SYNPO2: variants seen among roughly 807,000 people sequenced by gnomAD.
The protein encoded by SYNPO2 is synaptopodin 2.
In SYNPO2, 56 loss-of-function variants were observed where a neutral mutation model predicts 85.0. The ratio of observed to expected loss-of-function variants is 0.66; its 90% CI spans 0.53 to 0.82. The LOEUF is 0.82. Among genes scored for constraint, SYNPO2 ranks in the 40% least tolerant of loss-of-function variants. The pLI is 0.00. For missense variants in SYNPO2, 1,575 were observed against 1,534.2 expected (o/e 1.03, Z -0.44); for synonymous variants, 602 against 591.1 (o/e 1.02, Z -0.27).
At chr4:119,051,380 G>A (rs1033818204) in intron 4 of SYNPO2, among the ~76,000 whole-genome samples, 2 of 150,614 alleles carry the variant, frequency 1.3e-5, no homozygotes, top group African/African-American at 2.4e-5. Flanking sequence ...TAGTAGAGAC[G>A]GGGTTTCACC....
chr4:118,907,415 CA>C (rs1231502939), intron 1 of SYNPO2, among the ~76,000 whole-genome samples: 1 of 152,144 alleles, frequency 6.6e-6, no homozygotes, highest in Non-Finnish European at 1.5e-5. Context: ...AAAACTGCTA[CA>C]ATACTCTGAC....
At chr4:118,895,451 C>T (rs144764637) in intron 1 of SYNPO2, among the ~76,000 whole-genome samples, 10 of 152,290 alleles carry the variant, frequency 6.6e-5, no homozygotes, top group African/African-American at 1.9e-4. Flanking sequence ...CATTAATGTC[C>T]TCTCTGAGGC....
intron 1 of SYNPO2, among the ~76,000 whole-genome samples, chr4:118,879,019 AC>A (rs1175739464): frequency 2.6e-5 from 4 of 152,146 alleles, no homozygotes; most frequent in African/African-American, 9.7e-5. Context: ...CCATGAACCC[AC>A]AGGGAGGAAT....
intron 1 of SYNPO2, among the ~76,000 whole-genome samples, chr4:119,003,451 A>G (rs1480074897): frequency 1.3e-5 from 2 of 152,340 alleles, no homozygotes; most frequent in Non-Finnish European, 2.9e-5. Flanking sequence ...TATCACTGCT[A>G]TTCAAACTTG....
chr4:118,878,120 T>C lies in SYNPO2; in HGVS notation c.12+27180T>C, dbSNP rs114899654. 7.0e-3 allele frequency among the ~76,000 whole-genome samples: 1,066 copies of C among 152,182 alleles called. 13 individuals carry two copies. Among genetic ancestry groups the C allele is most frequent in the African/African-American group, 0.025 (1,019 of 41,520 alleles). ...CCACACAGGAACAGAAAACCAAGTA[T>C]CGCATGTTCTCGTTTATAAGTGGGA... is the stretch of plus-strand genomic sequence containing the variant. On this transcript the variant is annotated intron_variant, in intron 1 of 4. Coordinates refer to the SYNPO2 transcript ENST00000610556.
At chr4:118,999,968 C>A (rs1231432867) in intron 1 of SYNPO2, among the ~76,000 whole-genome samples, 2 of 152,194 alleles carry the variant, frequency 1.3e-5, no homozygotes, top group East Asian at 3.8e-4. Context: ...GTTGAAGGAG[C>A]TTTAGGGAAA....
At position 119,029,951 on chromosome 4, in the gene SYNPO2, G is replaced by C; in HGVS notation, c.1176G>C (p.Lys392Asn). The C allele has an allele frequency of 6.2e-7, 1 of 1,614,004 alleles. No individual in the cohort carries two copies. Among genetic ancestry groups the C allele is most frequent in the Non-Finnish European group, 8.5e-7 (1 of 1,180,008 alleles). ...CGGATGCTCCCAACCCCAACTCCAA[G>C]GGGGTGTTGATGTTTAAGAAGCGAC... ...LLTDAPNPNS[K>N]GVLMFKKRRR... Residue 392 changes from lysine to asparagine, a missense_variant, in exon 4 of 5, where the codon AAG (lysine) becomes AAC (asparagine). Physicochemically the swap from Lys to Asn is moderately conservative, Grantham distance 94. Around this residue, in one of 3 missense-constraint regions of SYNPO2, gnomAD observed 1,508 missense variants for 1,446.8 expected, o/e 1.04. Transcript: ENST00000307142.
Position 119,031,252 on chromosome 4 carries a change from G to A in SYNPO2, c.2477G>A (p.Gly826Asp). 2 of 1,614,020 alleles carry A rather than the reference G, an allele frequency of 1.2e-6. No individual in the cohort carries two copies. Among genetic ancestry groups the A allele is most frequent in the Non-Finnish European group, 1.7e-6 (2 of 1,180,012 alleles). ...CCTGCAAGTACTTTGAACGTGGCTGGTCCCTTCAAAGGACCACAAGCAGCA... is the reference window on the plus strand; with the variant it reads ...CCTGCAAGTACTTTGAACGTGGCTGATCCCTTCAAAGGACCACAAGCAGCA... ...ARPASTLNVA[G>D]PFKGPQAAVA... Residue 826 changes from glycine to aspartate, a missense_variant, in exon 4 of 5, where the codon GGT (glycine) becomes GAT (aspartate). Around this residue, in one of 3 missense-constraint regions of SYNPO2, gnomAD observed 1,508 missense variants for 1,446.8 expected, o/e 1.04. Coordinates refer to ENST00000307142, the MANE Select transcript of SYNPO2 (RefSeq NM_133477.3).
At chr4:118,935,129 A>G (rs148767965) in intron 1 of SYNPO2, among the ~76,000 whole-genome samples, 1 of 152,284 alleles carries the variant, frequency 6.6e-6, no homozygotes, top group East Asian at 1.9e-4. Flanking sequence ...TAGTTAATCA[A>G]TTCCAAACTC....
At chr4:118,999,295 C>A (rs1207703063) in intron 1 of SYNPO2, among the ~76,000 whole-genome samples, 1 of 152,080 alleles carries the variant, frequency 6.6e-6, no homozygotes, top group African/African-American at 2.4e-5. Context: ...ACTACAGGCA[C>A]GTGCCACTGT....
intron 1 of SYNPO2, among the ~76,000 whole-genome samples, chr4:118,952,668 T>C (rs1163033743): frequency 1.3e-5 from 2 of 152,196 alleles, no homozygotes; most frequent in African/African-American, 4.8e-5. Context: ...ATTTCAATTG[T>C]TATTGTTGGT....
chr4:119,050,242 G>T (rs1176303317), intron 4 of SYNPO2, among the ~76,000 whole-genome samples: 1 of 151,826 alleles, frequency 6.6e-6, no homozygotes, highest in African/African-American at 2.4e-5. Context: ...TGAGGCAGGA[G>T]AATCACTTCA....
intron 1 of SYNPO2, among the ~76,000 whole-genome samples, chr4:118,914,592 G>A (rs1040822806): frequency 6.6e-6 from 1 of 152,058 alleles, no homozygotes; most frequent in East Asian, 1.9e-4. Flanking sequence ...TATCTGGGAG[G>A]GTTTTTTTGT....
rs1490335116 is a variant in SYNPO2 at position 119,027,298 on chromosome 4, C to T, written c.929C>T (p.Ser310Phe). 1.2e-6 allele frequency: 2 copies of T among 1,614,076 alleles called. No individual in the cohort carries two copies. Among genetic ancestry groups the T allele is most frequent in the South Asian group, 2.2e-5 (2 of 91,074 alleles). The change falls in exon 3 of 5, where the codon TCT (serine) becomes TTT (phenylalanine). Residue 310 changes from serine to phenylalanine, a missense_variant. Physicochemically the swap from Ser to Phe is radical, Grantham distance 155 (BLOSUM62 -2). Transcript: ENST00000307142. ...RLQAGKECVDSPVEGGQSEAP... is the reference protein window; with the variant it reads ...RLQAGKECVDFPVEGGQSEAP... ...CAGGCAGGAAAGGAGTGTGTGGATTCTCCAGTGGAAGGAGGGCAGTCAGAA... is the reference window on the plus strand; with the variant it reads ...CAGGCAGGAAAGGAGTGTGTGGATTTTCCAGTGGAAGGAGGGCAGTCAGAA...
chr4:118,870,531 A>C (rs1026754726), intron 1 of SYNPO2, among the ~76,000 whole-genome samples: 5 of 152,150 alleles, frequency 3.3e-5, no homozygotes, highest in Non-Finnish European at 1.5e-5. Context: ...AGAATGATTT[A>C]TATTCCTTTG....
intron 4 of SYNPO2, among the ~76,000 whole-genome samples, chr4:119,046,641 C>T (rs1455228910): frequency 2.0e-5 from 3 of 152,232 alleles, no homozygotes; most frequent in Non-Finnish European, 4.4e-5. Context: ...AGCTACATGG[C>T]ATTCCATTTA....
intron 1 of SYNPO2, among the ~76,000 whole-genome samples, chr4:119,002,885 C>G (rs1006457168): frequency 1.4e-5 from 2 of 138,762 alleles, no homozygotes; most frequent in South Asian, 2.4e-4. Flanking sequence ...ATATTTTCCT[C>G]TATTGTATAG....
At chr4:118,881,311 A>G (rs1292328490) in intron 1 of SYNPO2, among the ~76,000 whole-genome samples, 1 of 151,656 alleles carries the variant, frequency 6.6e-6, no homozygotes, top group African/African-American at 2.4e-5. Flanking sequence ...CAAAAAAAAA[A>G]AAAAAGAAGA....
At chr4:118,904,328 GT>G (rs1345628173) in intron 1 of SYNPO2, among the ~76,000 whole-genome samples, 1 of 152,132 alleles carries the variant, frequency 6.6e-6, no homozygotes, top group East Asian at 1.9e-4. Flanking sequence ...CTTCTACTCA[GT>G]GATTTTTGAG....
Sources: gnomAD v4.1 joint callset for allele counts (sites outside exome capture counted in the v4.1 genomes callset) on GRCh38, gnomAD v4.1.1 for gene constraint, gnomAD v4.1.1 regional missense constraint, MANE v1.5 for transcripts, NCBI Gene and HGNC (gene_info 2026-07-23, HGNC 2026-07-21) for gene names.